Variants in XRCC1 observed in about 807,000 individuals in gnomAD.
XRCC1 encodes DNA repair protein XRCC1.
XRCC1 carries 52 observed loss-of-function variants against 83.3 expected under a neutral mutation model. The ratio of observed to expected loss-of-function variants is 0.62; its 90% CI spans 0.50 to 0.79. The LOEUF is 0.79. Ranked by LOEUF, XRCC1 falls within the 30% of genes least tolerant of loss-of-function variation. XRCC1 has a pLI of 0.00. For synonymous variants in XRCC1, 281 were observed against 312.6 expected (o/e 0.90, Z 1.07); for missense variants, 793 against 823.5 (o/e 0.96, Z 0.45).
At chr19:43,561,202 G>GA (rs2146061608) in intron 2 of XRCC1, among the ~76,000 whole-genome samples, 182 bp from the exon 3 acceptor site, 1 of 152,296 alleles carries the variant, frequency 6.6e-6, no homozygotes, top group East Asian at 1.9e-4. Context: ...GCATGGAGCA[G>GA]AAACTCACAA....
chr19:43,569,339 A>G (rs1477070114), intron 2 of XRCC1, among the ~76,000 whole-genome samples: 2 of 151,976 alleles, frequency 1.3e-5, no homozygotes, highest in African/African-American at 4.8e-5. Flanking sequence ...AGACTGGTGA[A>G]CTGGCACATG....
Position 43,575,494 on chromosome 19 carries a change from A to G in XRCC1, c.-36T>C. 3 of 1,593,282 alleles carry G rather than the reference A, an allele frequency of 1.9e-6. No homozygotes were observed. The highest frequency in any genetic ancestry group is 1.3e-5 in the African/African-American group (1 of 74,398). On this transcript the variant is annotated 5_prime_UTR_variant, in exon 1 of 17. Coordinates refer to ENST00000262887, the MANE Select transcript of XRCC1 (RefSeq NM_006297.3). ...TGGGCTTCGCCTGGCCAGAAGGATGAGGTAGAGTATGGGGTCCGAGGGGCA... is the reference window on the plus strand; with the variant it reads ...TGGGCTTCGCCTGGCCAGAAGGATGGGGTAGAGTATGGGGTCCGAGGGGCA...
chr19:43,546,617 T>TA lies in XRCC1; in HGVS notation c.1403dup (p.Asp469ArgfsTer3). 6.2e-7 allele frequency: 1 copy of TA among 1,611,046 alleles called. No homozygotes were observed. Among genetic ancestry groups the TA allele is most frequent in the Non-Finnish European group, 8.5e-7 (1 of 1,179,184 alleles). Reference sequence around the variant, plus strand: ...GACCTGACTGTACCCCCTCAATGTCTATATCTTCCTGGAGCACTGGTGAGG... The same window carrying TA: ...GACCTGACTGTACCCCCTCAATGTCTAATATCTTCCTGGAGCACTGGTGAGG... On this transcript the variant is annotated frameshift_variant, in exon 12 of 17. Transcript: ENST00000262887. LOFTEE classifies it high-confidence loss of function.
Position 43,574,527 on chromosome 19 carries a change from G to A in XRCC1, c.144+383C>T, listed in dbSNP as rs1972835071. 1.6e-5 allele frequency: 3 copies of A among 186,838 alleles called. No homozygotes were observed. In the South Asian group the frequency reaches 3.2e-4, roughly 20 times the overall value. The allele number at this position is 186,838 out of a possible 1,614,324, so 11.6% of individuals were successfully genotyped here. On this transcript the variant is annotated intron_variant, in intron 2 of 16. Coordinates refer to ENST00000262887, the MANE Select transcript of XRCC1 (RefSeq NM_006297.3). ...TTTACAGGCATGAGCCACGGCATCCGGCCAGTTTCCCCTTCTTTAAAGTGG... is the reference window on the plus strand; with the variant it reads ...TTTACAGGCATGAGCCACGGCATCCAGCCAGTTTCCCCTTCTTTAAAGTGG...
At chr19:43,546,252 T>G in intron 12 of XRCC1, 146 bp from the exon 13 acceptor site, 1 of 905,782 alleles carries the variant, frequency 1.1e-6, no homozygotes, top group Non-Finnish European at 1.7e-6. Flanking sequence ...CAGCCCCTCC[T>G]CCCTCTGATC....
At chr19:43,568,941 A>G (rs1451675458) in intron 2 of XRCC1, among the ~76,000 whole-genome samples, 1 of 151,656 alleles carries the variant, frequency 6.6e-6, no homozygotes, top group Non-Finnish European at 1.5e-5. Flanking sequence ...TAATCCCTGT[A>G]ATCCCAGCTA....
In XRCC1 at chr19:43,552,869, T is replaced by C; in HGVS notation, c.751A>G (p.Asn251Asp). Residue 251 changes from asparagine (N) to aspartate (D), a missense_variant, in exon 8 of 17, where the codon AAC (asparagine) becomes GAC (aspartate). Coordinates refer to ENST00000262887, the MANE Select transcript of XRCC1 (RefSeq NM_006297.3). ...CTGGGGGTCTTCTTTTCTTCTTGGT[T>C]CAAATCCAACTTCCTCTTCCCTTTG... is the stretch of plus-strand genomic sequence containing the variant. ...SPKGKRKLDL[N>D]QEEKKTPSKP... 6.2e-7 allele frequency: 1 copy of C among 1,613,736 alleles called. No homozygotes were observed. Among genetic ancestry groups the C allele is most frequent in the East Asian group, 2.2e-5 (1 of 44,878 alleles).
At chr19:43,575,366 A>C (rs369228232) in intron 1 of XRCC1, 42 bp downstream of exon 1, 24 of 1,562,790 alleles carry the variant, frequency 1.5e-5, no homozygotes, top group Admixed American at 1.1e-4. Flanking sequence ...ATCCTCATTA[A>C]TTCCCTCACG....
rs367708974 is a variant in XRCC1 at position 43,553,571 on chromosome 19, C to T, written c.489+38G>A. ...CTGCTGGCAGGTGGGGGTGGAGAGG[C>T]AGGGAGAAGGCCATGGGGAGTGACA... On this transcript the variant is annotated intron_variant, in intron 5 of 16. Coordinates refer to ENST00000262887, the MANE Select transcript of XRCC1 (RefSeq NM_006297.3). 15 of 1,612,580 alleles carry T rather than the reference C, an allele frequency of 9.3e-6. No individual in the cohort carries two copies. The African/African-American group carries it at 1.9e-4, about 20-fold the overall frequency.
chr19:43,572,071 A>G (rs1972811093), intron 2 of XRCC1, among the ~76,000 whole-genome samples: 1 of 152,068 alleles, frequency 6.6e-6, no homozygotes, highest in Admixed American at 6.5e-5. Context: ...CACCTCCCCA[A>G]GCTGCTCCCT....
intron 2 of XRCC1, among the ~76,000 whole-genome samples, chr19:43,572,621 C>T (rs986907401): frequency 1.3e-5 from 2 of 152,140 alleles, no homozygotes; most frequent in Admixed American, 6.5e-5. Context: ...GCCTTGAACT[C>T]CTGAGGTCAG....
chr19:43,562,943 G>A (rs3213311), intron 2 of XRCC1, among the ~76,000 whole-genome samples: 12 of 152,348 alleles, frequency 7.9e-5, no homozygotes, highest in Admixed American at 6.5e-4. Flanking sequence ...ATGAGCAAAC[G>A]GAGGCAGGAA....
intron 2 of XRCC1, among the ~76,000 whole-genome samples, chr19:43,561,501 G>A (rs772154920): frequency 2.6e-5 from 4 of 152,216 alleles, no homozygotes; most frequent in Non-Finnish European, 4.4e-5. Flanking sequence ...CACACTAGCT[G>A]TATGACCATA....
intron 1 of XRCC1, 89 bp downstream of exon 1, chr19:43,575,319 G>T: frequency 7.2e-7 from 1 of 1,386,432 alleles, no homozygotes; most frequent in South Asian, 1.4e-5. Flanking sequence ...ACTCTCCTTA[G>T]ACTTCCAAGA....
At chr19:43,554,558 TC>T in intron 4 of XRCC1, 87 bp downstream of exon 4, 1 of 1,474,946 alleles carries the variant, frequency 6.8e-7, no homozygotes. Flanking sequence ...TGTCTACTCC[TC>T]CCAGCCCTAT....
In XRCC1 at chr19:43,546,889, G is replaced by A; in HGVS notation, c.1288C>T (p.Gln430Ter). 1 of 1,613,914 alleles carries A rather than the reference G, an allele frequency of 6.2e-7. No individual in the cohort carries two copies. The highest frequency in any genetic ancestry group is 8.5e-7 in the Non-Finnish European group (1 of 1,180,002). ...CTGGACAGGGGGCATCAGACCTTCT[G>A]AGGAAGCTTGGGGGCTTCATCTCCG... ...GSGDEAPKLP[Q>*]KQPQTKTKPT... Residue 430 changes from glutamine (Q) to a stop codon, truncating the protein, a stop_gained, in exon 11 of 17, where the codon CAG (glutamine) becomes TAG (stop). Transcript: ENST00000262887. LOFTEE classifies it high-confidence loss of function.
intron 6 of XRCC1, 26 bp from the exon 7 acceptor site, chr19:43,553,117 G>T: frequency 6.5e-7 from 1 of 1,549,794 alleles, no homozygotes; most frequent in Non-Finnish European, 8.7e-7. Context: ...GTGGATCCAG[G>T]ATGAGAGGGC....
At position 43,551,586 on chromosome 19, in the gene XRCC1, C is replaced by T. The variant is rs763865398; in HGVS notation, c.1184G>A (p.Arg395Gln). The change falls in exon 10 of 17, where the codon CGG becomes CAG. Residue 395 changes from arginine to glutamine, a missense_variant. By Grantham distance (43) the Arg-to-Gln change is conservative. Coordinates refer to ENST00000262887, the MANE Select transcript of XRCC1 (RefSeq NM_006297.3). Reference protein sequence around the residue: ...WVLDCHRMRRRLPSQRYLMAG... With the variant: ...WVLDCHRMRRQLPSQRYLMAG... Reference sequence around the variant, plus strand: ...GAGGCCTTACCTCTGGGAGGGCAGCCGCCGACGCATGCGGTGACAGTCCAG... The same window carrying T: ...GAGGCCTTACCTCTGGGAGGGCAGCTGCCGACGCATGCGGTGACAGTCCAG... The T allele has an allele frequency of 1.9e-5, 30 of 1,614,090 alleles. No individual in the cohort carries two copies. The highest frequency in any genetic ancestry group is 4.5e-5 in the East Asian group (2 of 44,876).
rs200034633 is a variant in XRCC1 at position 43,546,143 on chromosome 19, G to C, written c.1427-37C>G. On this transcript the variant is annotated intron_variant, in intron 12 of 16. Transcript: ENST00000262887. ...AGCTCAGTCAATGCAAGGCTGCCTT[G>C]TCTCCTGGGAAGACTGGCAGCTCTC... The C allele has an allele frequency of 1.6e-4, 252 of 1,612,012 alleles. 5 individuals are homozygous for C. In the East Asian group the frequency reaches 5.6e-3, roughly 36 times the overall value.
Sources: gnomAD v4.1 joint callset for allele counts (sites outside exome capture counted in the v4.1 genomes callset) on GRCh38, gnomAD v4.1.1 for gene constraint, MANE v1.5 for transcripts, NCBI Gene and HGNC (gene_info 2026-07-23, HGNC 2026-07-21) for gene names.